The following PDCD1LG2 variants were observed in gnomAD, a reference collection of about 807,000 sequenced individuals.
PDCD1LG2 encodes the protein B7 dendritic cell molecule.
In PDCD1LG2, 32 loss-of-function variants were observed where a neutral mutation model predicts 28.2. That is an observed-to-expected ratio of 1.13 (90% CI 0.86 to 1.52). PDCD1LG2 has a LOEUF of 1.52. PDCD1LG2 is among the 40% of genes most tolerant of loss of function. The probability of loss-of-function intolerance (pLI) is 0.00; values close to 1 mark genes in which losing one functional copy is unlikely to be tolerated. For synonymous variants in PDCD1LG2, 116 were observed against 120.2 expected, an observed-to-expected ratio of 0.97 and a Z score of 0.23; for missense variants, 385 against 323.8, an observed-to-expected ratio of 1.19 and a Z score of -1.45.
chr9:5,560,197 C>G (rs1323536960), intron 5 of PDCD1LG2, among the ~76,000 whole-genome samples: 1 of 152,178 alleles, frequency 6.6e-6, no homozygotes, highest in Admixed American at 6.5e-5. Context: ...AAATTGCATC[C>G]CTTTTAATTT....
chr9:5,516,950 G>C (rs1820177861), intron 1 of PDCD1LG2, among the ~76,000 whole-genome samples: 1 of 152,210 alleles, frequency 6.6e-6, no homozygotes, highest in Non-Finnish European at 1.5e-5. Flanking sequence ...GTGCCTGGGA[G>C]CATGCGGTTC....
intron 2 of PDCD1LG2, among the ~76,000 whole-genome samples, chr9:5,530,399 C>G (rs1469092863): frequency 6.6e-6 from 1 of 151,362 alleles, no homozygotes; most frequent in Non-Finnish European, 1.5e-5. Flanking sequence ...GAGTTCAATC[C>G]TAGGTTGAAG....
chr9:5,569,333 G>C lies in PDCD1LG2; in HGVS notation c.817-621G>C, dbSNP rs1039886131. On this transcript the variant is annotated intron_variant, in intron 6 of 6. Transcript: ENST00000397747. The surrounding 1 kb of genome is among the most constrained non-coding windows in gnomAD (Gnocchi z 4.1). ...GGTGACTATTCCTAGGTCTGAAGGA[G>C]AAAGGGGAGGGAGCAGTTCCCAGAA... Among the ~76,000 whole-genome samples, 1 of 152,196 alleles carries C rather than the reference G, an allele frequency of 6.6e-6. No homozygotes were observed. Among genetic ancestry groups the C allele is most frequent in the Admixed American group, 6.5e-5 (1 of 15,288 alleles).
chr9:5,524,201 T>C (rs916067591), intron 2 of PDCD1LG2, among the ~76,000 whole-genome samples: 3 of 152,326 alleles, frequency 2.0e-5, no homozygotes, highest in East Asian at 1.9e-4. Flanking sequence ...CAAGATTACA[T>C]AGTTATTAGG....
intron 3 of PDCD1LG2, among the ~76,000 whole-genome samples, chr9:5,536,908 T>C (rs1212833290): frequency 6.6e-6 from 1 of 152,222 alleles, no homozygotes; most frequent in Non-Finnish European, 1.5e-5. Flanking sequence ...GGGGTTCCCC[T>C]AAAACACTTC....
chr9:5,547,627 A>G (rs1230203694), intron 3 of PDCD1LG2, among the ~76,000 whole-genome samples: 1 of 152,154 alleles, frequency 6.6e-6, no homozygotes, highest in Non-Finnish European at 1.5e-5. Flanking sequence ...GTTTTGATCT[A>G]TGTATAGATT....
At chr9:5,546,203 C>T (rs1349242495) in intron 3 of PDCD1LG2, among the ~76,000 whole-genome samples, 1 of 152,132 alleles carries the variant, frequency 6.6e-6, no homozygotes, top group Non-Finnish European at 1.5e-5. Context: ...CTCCCAATTC[C>T]TGGCATCCCT....
chr9:5,562,736 G>C (rs952797291), intron 5 of PDCD1LG2, among the ~76,000 whole-genome samples: 1 of 152,190 alleles, frequency 6.6e-6, no homozygotes, highest in African/African-American at 2.4e-5. Flanking sequence ...CCAGTAACTT[G>C]AGTTACTTTG....
chr9:5,554,063 C>T (rs1816388976), intron 4 of PDCD1LG2, among the ~76,000 whole-genome samples: 2 of 152,180 alleles, frequency 1.3e-5, no homozygotes, highest in Admixed American at 6.5e-5. Context: ...GGGTCTTTCC[C>T]TCATCCCACA....
chr9:5,540,326 C>A (rs12685815), intron 3 of PDCD1LG2, among the ~76,000 whole-genome samples: 23,499 of 151,934 alleles, frequency 0.15, 2,386 homozygotes, highest in African/African-American at 0.27. Flanking sequence ...CCTCCTGGAG[C>A]TGGAGAAACA....
intron 2 of PDCD1LG2, among the ~76,000 whole-genome samples, chr9:5,528,262 AT>A (rs1408391999): frequency 2.0e-5 from 3 of 147,726 alleles, no homozygotes; most frequent in African/African-American, 4.9e-5. Context: ...TATTTTATAT[AT>A]TATATATATA....
chr9:5,522,918 C>T (rs933929481), intron 2 of PDCD1LG2, among the ~76,000 whole-genome samples: 5 of 152,138 alleles, frequency 3.3e-5, no homozygotes, highest in African/African-American at 1.2e-4. Context: ...GGGTTGAGTT[C>T]CCTTAAAGGT....
chr9:5,531,154 C>T (rs1820475906), intron 2 of PDCD1LG2, among the ~76,000 whole-genome samples: 1 of 152,172 alleles, frequency 6.6e-6, no homozygotes, highest in African/African-American at 2.4e-5. Flanking sequence ...AAAAGCCTCC[C>T]AGGTGATTCC....
intron 3 of PDCD1LG2, among the ~76,000 whole-genome samples, chr9:5,542,394 C>A (rs1186360137): frequency 7.9e-5 from 12 of 152,184 alleles, no homozygotes; most frequent in Admixed American, 7.9e-4. Context: ...GCAGAGTTAA[C>A]AGACAACCCA....
At chr9:5,537,110 AAAGTT>A (rs1348664968) in intron 3 of PDCD1LG2, among the ~76,000 whole-genome samples, 2 of 152,236 alleles carry the variant, frequency 1.3e-5, no homozygotes, top group African/African-American at 4.8e-5. Context: ...AGGCCCTTAT[AAAGTT>A]AATAACTGAT....
At chr9:5,513,766 A>G (rs772634057) in intron 1 of PDCD1LG2, among the ~76,000 whole-genome samples, 1 of 152,220 alleles carries the variant, frequency 6.6e-6, no homozygotes, top group Non-Finnish European at 1.5e-5. Flanking sequence ...GATCCCCCCA[A>G]AACTCAAATA....
chr9:5,557,721 A>C lies in PDCD1LG2; in HGVS notation c.735A>C (p.Lys245Asn). ...IFIATVIALR[K>N]QLCQKLYSSK... The stretch of plus-strand genomic sequence containing the variant: ...TAGCCACAGTGATAGCCCTAAGAAA[A>C]CAACTCTGTCAAAAGCTGTATTCTT... Residue 245 changes from lysine to asparagine, a missense_variant, in exon 5 of 7, where the codon AAA (lysine) becomes AAC (asparagine). Coordinates refer to ENST00000397747, the MANE Select transcript of PDCD1LG2 (RefSeq NM_025239.4). 1 of 1,613,934 alleles carries C rather than the reference A, an allele frequency of 6.2e-7. No homozygotes were observed. The highest frequency in any genetic ancestry group is 8.5e-7 in the Non-Finnish European group (1 of 1,179,858).
chr9:5,525,678 A>G (rs1174904613), intron 2 of PDCD1LG2, among the ~76,000 whole-genome samples: 2 of 152,244 alleles, frequency 1.3e-5, no homozygotes, highest in East Asian at 3.9e-4. Flanking sequence ...GCCAGAAGAT[A>G]ACACATAGCA....
Position 5,563,173 on chromosome 9 carries a change from AG to A in PDCD1LG2, c.779del (p.Arg260AsnfsTer10). On this transcript the variant is annotated frameshift_variant, in exon 6 of 7. Transcript: ENST00000397747. LOFTEE classifies it high-confidence loss of function. ...TTTTTCCTTTTCAGACACAACAAAA[AG>A]ACCTGTCACCACAACAAAGAGGGAA... is the stretch of plus-strand genomic sequence containing the variant. ...KLYSSKDTTKRPVTTTKREVN... is the reference protein window; with the variant it reads ...KLYSSKDTTKXPVTTTKREVN... 1 of 1,612,170 alleles carries A rather than the reference AG, an allele frequency of 6.2e-7. No individual in the cohort carries two copies. The highest frequency in any genetic ancestry group is 1.1e-5 in the South Asian group (1 of 90,994).
Sources: allele counts gnomAD v4.1 joint callset (sites outside exome capture counted in the v4.1 genomes callset), GRCh38; gene constraint gnomAD v4.1.1; non-coding constraint Gnocchi (gnomAD v3.1); transcripts MANE v1.5; gene names NCBI Gene and HGNC (gene_info 2026-07-23, HGNC 2026-07-21).